AP4E1: variants seen among roughly 807,000 people sequenced by gnomAD.
AP4E1 encodes AP-4 complex subunit epsilon-1.
A neutral mutation model predicts 128.2 loss-of-function variants in AP4E1; 56 were observed. The ratio of observed to expected loss-of-function variants is 0.44; its 90% CI spans 0.35 to 0.55. The LOEUF (loss-of-function observed/expected upper bound fraction) is 0.55, where lower values mean the gene tolerates loss of function less well. AP4E1 is among the 20% of genes least tolerant of loss of function. The pLI is 0.00. For missense variants in AP4E1, 1,324 were observed against 1,307.7 expected, an observed-to-expected ratio of 1.01 and a Z score of -0.19; for synonymous variants, 484 against 473.1, an observed-to-expected ratio of 1.02 and a Z score of -0.30.
rs564216615 is a variant in AP4E1 at position 50,964,514 on chromosome 15, T to A, written c.1852-3749T>A. 9.2e-5 allele frequency among the ~76,000 whole-genome samples: 14 copies of A among 152,332 alleles called. No individual in the cohort carries two copies. The East Asian group carries it at 2.7e-3, about 29-fold the overall frequency. On this transcript the variant is annotated intron_variant, in intron 14 of 20. Coordinates refer to ENST00000261842, the MANE Select transcript of AP4E1 (RefSeq NM_007347.5). ...ATCTGTCACTGGAGAGTTATTGTGT[T>A]CCTTTGGAGGTTTTGTTTCTTTGCT...
chr15:50,960,611 C>T (rs1487692425), intron 14 of AP4E1, among the ~76,000 whole-genome samples: 7 of 151,838 alleles, frequency 4.6e-5, no homozygotes, highest in Non-Finnish European at 5.9e-5. Flanking sequence ...TTACCAAAAC[C>T]TATGTAATAT....
rs115681300 is a variant in AP4E1, at chr15:50,918,420, C to T, written c.346+2849C>T. Among the ~76,000 whole-genome samples, 325 of 152,206 alleles carry T rather than the reference C, an allele frequency of 2.1e-3. 2 individuals carry two copies. The highest frequency in any genetic ancestry group is 7.6e-3 in the African/African-American group (315 of 41,524). On this transcript the variant is annotated intron_variant, in intron 3 of 20. Transcript: ENST00000261842. The stretch of plus-strand genomic sequence containing the variant: ...GTTACTTGGCTGGCTTCCATGTTAG[C>T]ATAGGCAGGAAATTTTGAAAACAGT...
intron 15 of AP4E1, among the ~76,000 whole-genome samples, chr15:50,981,372 C>T (rs1595569374): frequency 6.6e-6 from 1 of 152,322 alleles, no homozygotes; most frequent in East Asian, 1.9e-4. Context: ...CCACTTACCC[C>T]TTTCTTCTGG....
chr15:50,933,344 A>G (rs1207925263), intron 7 of AP4E1, among the ~76,000 whole-genome samples: 1 of 152,180 alleles, frequency 6.6e-6, no homozygotes, highest in Non-Finnish European at 1.5e-5. Flanking sequence ...ATTCTAAAGT[A>G]TTTAATTGAA....
chr15:50,912,095 C>G lies in AP4E1; in HGVS notation c.168C>G (p.Ile56Met). The change falls in exon 2 of 21, where the codon ATC becomes ATG. Residue 56 changes from isoleucine (I) to methionine (M), a missense_variant. Coordinates refer to ENST00000261842, the MANE Select transcript of AP4E1 (RefSeq NM_007347.5). ...TTTCTCAGGAAGAAGAAAAATTAAT[C>G]CAGCAGGAACTGAGTAGTCTGAAAG... ...LTSKHEEEKL[I>M]QQELSSLKAT... 1 of 1,614,024 alleles carries G rather than the reference C, an allele frequency of 6.2e-7. No individual in the cohort carries two copies. Among genetic ancestry groups the G allele is most frequent in the Non-Finnish European group, 8.5e-7 (1 of 1,179,932 alleles).
intron 20 of AP4E1, among the ~76,000 whole-genome samples, chr15:51,001,605 A>G (rs1475546582): frequency 2.6e-5 from 4 of 152,206 alleles, no homozygotes; most frequent in Admixed American, 6.5e-5. Flanking sequence ...AAGTGGAATC[A>G]TACAATACTT....
intron 3 of AP4E1, among the ~76,000 whole-genome samples, chr15:50,916,398 A>G (rs181828719): frequency 3.3e-5 from 5 of 152,342 alleles, no homozygotes; most frequent in East Asian, 3.9e-4. Context: ...TTTTCTCTCT[A>G]TAGTCAACCT....
In AP4E1 at chr15:50,968,217, A is replaced by G. The variant is rs774139046; in HGVS notation, c.1852-46A>G. ...ATTTATGTGACTATATAATCTACTT[A>G]GGATAAATTTATTTAATTCCTAATT... is the stretch of plus-strand genomic sequence containing the variant. On this transcript the variant is annotated intron_variant, in intron 14 of 20. Transcript: ENST00000261842. 4.0e-6 allele frequency: 5 copies of G among 1,240,430 alleles called. No homozygotes were observed. The African/African-American group carries it at 7.5e-5, about 19-fold the overall frequency. 76.8% of individuals were successfully genotyped at this position (1,240,430 alleles called of 1,614,324 possible).
At chr15:50,982,946 A>C (rs1231293704) in intron 15 of AP4E1, among the ~76,000 whole-genome samples, 1 of 152,240 alleles carries the variant, frequency 6.6e-6, no homozygotes, top group Non-Finnish European at 1.5e-5. Context: ...TAATTACAGA[A>C]GTTGACATAA....
At chr15:50,934,539 C>G in intron 7 of AP4E1, 85 bp from the exon 8 acceptor site, 2 of 843,486 alleles carry the variant, frequency 2.4e-6, no homozygotes, top group Non-Finnish European at 4.0e-6. Flanking sequence ...TCTGTAGATC[C>G]TCAGTTTTAA....
At chr15:51,000,313 G>C (rs2064944127) in intron 19 of AP4E1, among the ~76,000 whole-genome samples, 1 of 151,734 alleles carries the variant, frequency 6.6e-6, no homozygotes, top group South Asian at 2.1e-4. Flanking sequence ...GCTAATTTTT[G>C]TGTTTTTTGT....
intron 17 of AP4E1, among the ~76,000 whole-genome samples, chr15:50,995,570 G>A (rs1439302693): frequency 6.6e-6 from 1 of 151,872 alleles, no homozygotes; most frequent in African/African-American, 2.4e-5. Context: ...ATTTTTAGTA[G>A]AGATGGGGTT....
chr15:50,936,569 C>T (rs1046274352), intron 8 of AP4E1, among the ~76,000 whole-genome samples: 6 of 152,016 alleles, frequency 3.9e-5, no homozygotes, highest in South Asian at 2.1e-4. Context: ...CACTGTTACC[C>T]GTTCCTTTTG....
chr15:50,981,754 A>G (rs993203565), intron 15 of AP4E1, among the ~76,000 whole-genome samples: 2 of 152,174 alleles, frequency 1.3e-5, no homozygotes, highest in Non-Finnish European at 2.9e-5. Flanking sequence ...GCCCTCACAA[A>G]TGAATTTATA....
intron 14 of AP4E1, among the ~76,000 whole-genome samples, chr15:50,965,683 ATCT>A (rs1259384703): frequency 6.6e-6 from 1 of 152,124 alleles, no homozygotes; most frequent in African/African-American, 2.4e-5. Flanking sequence ...TCTTCTTTTA[ATCT>A]TCTTTGAAAT....
rs2064993568 is a variant in AP4E1 at position 51,003,991 on chromosome 15, T to C, written c.*1329T>C. The C allele has an allele frequency of 6.6e-6, 1 of 152,250 alleles. No homozygotes were observed. The highest frequency in any genetic ancestry group is 2.1e-4 in the South Asian group (1 of 4,828). The allele number at this position is 152,250 out of a possible 1,614,324, so 9.4% of individuals were successfully genotyped here. A position where few individuals can be genotyped will look rare whatever the true frequency, so the allele number is the denominator to read the frequency against. ...GTCATTTGTGTCGAGTATTCCTCCC[T>C]AAAAACAAAAGCAGTATTTTCTTTC... On this transcript the variant is annotated 3_prime_UTR_variant, in exon 21 of 21. Coordinates refer to ENST00000261842, the MANE Select transcript of AP4E1 (RefSeq NM_007347.5).
chr15:50,975,133 C>T lies in AP4E1; in HGVS notation c.1966+6756C>T, dbSNP rs745954740. ...TAAAGCAGCTTTTACCAGCTGGGCGCGGTGGCTCACACCTGTAATCCCAGT... is the reference window on the plus strand; with the variant it reads ...TAAAGCAGCTTTTACCAGCTGGGCGTGGTGGCTCACACCTGTAATCCCAGT... On this transcript the variant is annotated intron_variant, in intron 15 of 20. Coordinates refer to ENST00000261842, the MANE Select transcript of AP4E1 (RefSeq NM_007347.5). 7.9e-5 allele frequency among the ~76,000 whole-genome samples: 12 copies of T among 152,284 alleles called. No individual in the cohort carries two copies. The South Asian group carries it at 8.3e-4, about 11-fold the overall frequency.
chr15:50,925,239 A>T lies in AP4E1; in HGVS notation c.542+20A>T. ...TTCTAAGTAAGTAAATTCTTTTGGG[A>T]TAGGCATCTATGCCATATATTTCAA... On this transcript the variant is annotated intron_variant, in intron 5 of 20. Transcript: ENST00000261842. 1 of 1,607,136 alleles carries T rather than the reference A, an allele frequency of 6.2e-7. No homozygotes were observed. The highest frequency in any genetic ancestry group is 1.7e-4 in the Middle Eastern group (1 of 5,968).
intron 15 of AP4E1, 56 bp downstream of exon 15, chr15:50,968,433 T>C: frequency 1.7e-6 from 2 of 1,162,332 alleles, no homozygotes; most frequent in Non-Finnish European, 2.5e-6. Flanking sequence ...TTTTTGATAT[T>C]ATAGTCATGT....
Sources: allele counts gnomAD v4.1 joint callset (sites outside exome capture counted in the v4.1 genomes callset), GRCh38; gene constraint gnomAD v4.1.1; transcripts MANE v1.5; gene names NCBI Gene and HGNC (gene_info 2026-07-23, HGNC 2026-07-21).